The following NKAIN3 variants were observed in gnomAD, a reference collection of about 807,000 sequenced individuals.
NKAIN3 encodes the protein sodium/potassium transporting ATPase interacting 3.
A neutral mutation model predicts 30.2 loss-of-function variants in NKAIN3; 25 were observed. That is an observed-to-expected ratio of 0.83 (90% CI 0.60 to 1.16). The LOEUF (loss-of-function observed/expected upper bound fraction) is 1.16. Among genes scored for constraint, NKAIN3 ranks in the 50% most tolerant of loss-of-function variants. NKAIN3 has a pLI of 0.00. For synonymous variants in NKAIN3, 91 were observed against 89.6 expected (o/e 1.02, Z -0.09); for missense variants, 225 against 254.1 (o/e 0.89, Z 0.78).
chr8:62,802,930 T>C (rs926525613), intron 4 of NKAIN3, among the ~76,000 whole-genome samples: 2 of 151,882 alleles, frequency 1.3e-5, no homozygotes, highest in Admixed American at 6.6e-5. Context: ...ATCTACCAAG[T>C]AAATGGAAAA....
At chr8:62,435,486 A>G (rs1805141716) in intron 1 of NKAIN3, among the ~76,000 whole-genome samples, 1 of 152,198 alleles carries the variant, frequency 6.6e-6, no homozygotes, top group Admixed American at 6.6e-5. Context: ...AGATATACGA[A>G]GCCAAGAAAT....
intron 4 of NKAIN3, among the ~76,000 whole-genome samples, chr8:62,798,331 G>A (rs1817934699): frequency 1.3e-5 from 2 of 152,136 alleles, no homozygotes; most frequent in South Asian, 2.1e-4. Flanking sequence ...CAGCACTTTG[G>A]GAGGCTGAGG....
At chr8:62,519,962 A>C (rs1442726881) in intron 1 of NKAIN3, among the ~76,000 whole-genome samples, 1 of 152,142 alleles carries the variant, frequency 6.6e-6, no homozygotes, top group Non-Finnish European at 1.5e-5. Flanking sequence ...GGACTCGCAA[A>C]ATTCCTTTTT....
At chr8:62,757,771 G>T (rs1816503560) in intron 4 of NKAIN3, among the ~76,000 whole-genome samples, 2 of 152,340 alleles carry the variant, frequency 1.3e-5, no homozygotes, top group Non-Finnish European at 2.9e-5. Flanking sequence ...TTTGGCTTGA[G>T]CAAAGTGTTT....
chr8:62,305,799 C>T (rs1299355146), intron 1 of NKAIN3, among the ~76,000 whole-genome samples: 3 of 150,296 alleles, frequency 2.0e-5, no homozygotes, highest in Admixed American at 6.6e-5. Context: ...GGGTATGTGT[C>T]GTTAGGACTG....
chr8:62,550,035 T>C (rs2129930935), intron 1 of NKAIN3, among the ~76,000 whole-genome samples: 1 of 151,606 alleles, frequency 6.6e-6, no homozygotes, highest in Middle Eastern at 3.4e-3. Flanking sequence ...AGATAAAAAC[T>C]AGTTATGGAG....
At chr8:62,599,503 G>C (rs1457993741) in intron 3 of NKAIN3, among the ~76,000 whole-genome samples, 1 of 151,930 alleles carries the variant, frequency 6.6e-6, no homozygotes, top group African/African-American at 2.4e-5. Flanking sequence ...ATATTGTGAG[G>C]TTTCAGTAAA....
chr8:62,792,067 A>T (rs1371122674), intron 4 of NKAIN3, among the ~76,000 whole-genome samples: 1 of 152,142 alleles, frequency 6.6e-6, no homozygotes, highest in Non-Finnish European at 1.5e-5. Context: ...GGATACTAAT[A>T]TAAAAATTTC....
At chr8:62,820,640 G>A (rs1266022617) in intron 4 of NKAIN3, among the ~76,000 whole-genome samples, 1 of 152,098 alleles carries the variant, frequency 6.6e-6, no homozygotes, top group African/African-American at 2.4e-5. Flanking sequence ...CAAAACTCTG[G>A]TGAACCGACA....
At chr8:62,313,047 A>G (rs1426820950) in intron 1 of NKAIN3, among the ~76,000 whole-genome samples, 1 of 152,176 alleles carries the variant, frequency 6.6e-6, no homozygotes, top group Non-Finnish European at 1.5e-5. Context: ...AACTCAGGTG[A>G]ATAGTGAGAC....
chr8:62,474,392 G>C (rs1307134646), intron 1 of NKAIN3: 1 of 152,112 alleles, frequency 6.6e-6, no homozygotes, highest in African/African-American at 2.4e-5. Flanking sequence ...ACCTGCAAAC[G>C]CTGGACAAAT....
chr8:62,543,802 G>A (rs1808918703), intron 1 of NKAIN3, among the ~76,000 whole-genome samples: 3 of 152,166 alleles, frequency 2.0e-5, no homozygotes, highest in Non-Finnish European at 4.4e-5. Flanking sequence ...CATTTTAGAT[G>A]TTTGGTAAAA....
chr8:62,507,460 A>G (rs1807678869), intron 1 of NKAIN3, among the ~76,000 whole-genome samples: 2 of 152,174 alleles, frequency 1.3e-5, no homozygotes, highest in South Asian at 2.1e-4. Flanking sequence ...TCAGTGCCTC[A>G]TACTACAATT....
intron 1 of NKAIN3, among the ~76,000 whole-genome samples, chr8:62,432,157 A>G (rs1181384937): frequency 2.0e-5 from 3 of 151,946 alleles, no homozygotes; most frequent in African/African-American, 7.2e-5. Flanking sequence ...AATGCACAAA[A>G]AGGTCTCTGA....
At position 62,657,960 on chromosome 8, in the gene NKAIN3, A is replaced by G. The variant is rs187625487; in HGVS notation, c.273+68166A>G. 1.4e-4 allele frequency among the ~76,000 whole-genome samples: 22 copies of G among 152,308 alleles called. No individual in the cohort carries two copies. The East Asian group carries it at 3.7e-3, about 25-fold the overall frequency. ...TAAACATCCAAATAACCAAAAAGAC[A>G]AAGGAAAACAGAATGGCTGAAGAGA... is the stretch of plus-strand genomic sequence containing the variant. On this transcript the variant is annotated intron_variant, in intron 3 of 6. Transcript: ENST00000623646.
intron 5 of NKAIN3, among the ~76,000 whole-genome samples, chr8:62,942,574 G>A (rs7830227): frequency 0.5 from 75,798 of 150,242 alleles, 19,511 homozygotes; most frequent in African/African-American, 0.62. Context: ...ACATAGCCAA[G>A]TCAGACTAAG....
intron 5 of NKAIN3, among the ~76,000 whole-genome samples, chr8:62,945,896 T>C (rs1482026069): frequency 6.6e-6 from 1 of 152,126 alleles, no homozygotes; most frequent in Non-Finnish European, 1.5e-5. Flanking sequence ...CATAAGTACC[T>C]GAGACTGAGG....
chr8:62,754,667 G>A (rs1055326494), intron 4 of NKAIN3, among the ~76,000 whole-genome samples: 8 of 152,092 alleles, frequency 5.3e-5, no homozygotes, highest in Non-Finnish European at 8.8e-5. Flanking sequence ...GTATCTCTCT[G>A]TTCACATCAA....
chr8:62,430,875 A>G (rs1462038755), intron 1 of NKAIN3, among the ~76,000 whole-genome samples: 1 of 151,884 alleles, frequency 6.6e-6, no homozygotes. Context: ...AAAGCATCAT[A>G]AAAATGGAAA....
Sources: allele counts gnomAD v4.1 joint callset (sites outside exome capture counted in the v4.1 genomes callset), GRCh38; gene constraint gnomAD v4.1.1; transcripts MANE v1.5; gene names NCBI Gene and HGNC (gene_info 2026-07-23, HGNC 2026-07-21).